The following KIF24 variants were observed in gnomAD, a reference collection of about 807,000 sequenced individuals.
KIF24 encodes the protein kinesin-like protein KIF24.
In KIF24, 81 loss-of-function variants were observed where a neutral mutation model predicts 118.9. The ratio of observed to expected loss-of-function variants is 0.68; its 90% CI spans 0.57 to 0.82. The LOEUF (loss-of-function observed/expected upper bound fraction) is 0.82. KIF24 is among the 40% of genes least tolerant of loss of function. The pLI, the probability that KIF24 is intolerant of heterozygous loss-of-function variation, is 0.00. For synonymous variants in KIF24, 599 were observed against 610.0 expected (o/e 0.98, Z 0.27); for missense variants, 1,560 against 1,661.6 (o/e 0.94, Z 1.06).
Position 34,311,158 on chromosome 9 carries a change from A to G in KIF24, c.189T>C (p.Ile63=). 6.2e-7 allele frequency: 1 copy of G among 1,613,522 alleles called. No homozygotes were observed. Among genetic ancestry groups the G allele is most frequent in the South Asian group, 1.1e-5 (1 of 91,034 alleles). Residue 63 remains isoleucine, a synonymous_variant, in exon 2 of 13, where the codon ATT becomes ATC. Coordinates refer to ENST00000402558, the MANE Select transcript of KIF24 (RefSeq NM_194313.4). ...TGACTGCTTTATCTTCTTCTTGCAT[A>G]ATCTTAATAATTTTGATAAGTTGGA... ...RLFQLIKIIK[I]MQEEDKAVSI...
intron 6 of KIF24, among the ~76,000 whole-genome samples, chr9:34,272,219 T>A (rs1203498833): frequency 1.3e-5 from 2 of 152,208 alleles, no homozygotes; most frequent in South Asian, 2.1e-4. Context: ...GGATTTAGCC[T>A]AACTAAAATC....
At chr9:34,316,845 G>C (rs1361506134) in intron 1 of KIF24, among the ~76,000 whole-genome samples, 3 of 152,172 alleles carry the variant, frequency 2.0e-5, no homozygotes, top group Non-Finnish European at 4.4e-5. Flanking sequence ...GCTGAGGCGA[G>C]TGGATCACAA....
At chr9:34,325,200 T>C (rs1209402369) in intron 1 of KIF24, among the ~76,000 whole-genome samples, 2 of 150,992 alleles carry the variant, frequency 1.3e-5, no homozygotes, top group Admixed American at 1.3e-4. Context: ...TAAAAATTAA[T>C]TGGGCATGGT....
intron 1 of KIF24, chr9:34,319,647 G>A (rs1304362399): frequency 1.4e-5 from 12 of 836,222 alleles, no homozygotes; most frequent in Non-Finnish European, 2.5e-5. Context: ...GATGCAAGAC[G>A]AGTTTTAGGG....
chr9:34,324,641 T>C (rs1450846930), intron 1 of KIF24, among the ~76,000 whole-genome samples: 2 of 152,198 alleles, frequency 1.3e-5, no homozygotes, highest in Non-Finnish European at 2.9e-5. Flanking sequence ...GCTGCTCCCT[T>C]ATTAAAAACC....
rs763341369 is a variant in KIF24, at chr9:34,263,116, T to C, written c.1500A>G (p.Gln500=). 4 of 1,613,102 alleles carry C rather than the reference T, an allele frequency of 2.5e-6. No individual in the cohort carries two copies. In the African/African-American group the frequency reaches 4.0e-5, roughly 16 times the overall value. Residue 500 remains glutamine, a synonymous_variant, in exon 9 of 13, where the codon CAA becomes CAG. Transcript: ENST00000402558. The part of the protein sequence containing the change: ...DQEHTHTPFR[Q]SKLTQVLKDS... ...TTAACTTTACCTGAGTTAGTTTGCTTTGCCTGAAGGGAGTATGGGTGTGTT... is the reference window on the plus strand; with the variant it reads ...TTAACTTTACCTGAGTTAGTTTGCTCTGCCTGAAGGGAGTATGGGTGTGTT...
chr9:34,285,257 T>C (rs1029767036), intron 6 of KIF24, among the ~76,000 whole-genome samples: 2 of 152,212 alleles, frequency 1.3e-5, no homozygotes, highest in African/African-American at 4.8e-5. Context: ...TTAGTTGCTC[T>C]GGAAAAGGAA....
intron 4 of KIF24, among the ~76,000 whole-genome samples, chr9:34,291,401 T>C (rs1455072435): frequency 6.6e-6 from 1 of 152,228 alleles, no homozygotes; most frequent in Non-Finnish European, 1.5e-5. Context: ...CATATGACCT[T>C]AGGCAAGTCC....
intron 1 of KIF24, among the ~76,000 whole-genome samples, chr9:34,328,408 T>A (rs1587982292): frequency 6.6e-6 from 1 of 152,214 alleles, no homozygotes; most frequent in East Asian, 1.9e-4. Flanking sequence ...ATAAAATTAT[T>A]GGGAGACCAA....
upstream of KIF24, among the ~76,000 whole-genome samples, chr9:34,333,279 G>A (rs925960127): frequency 6.6e-6 from 1 of 151,958 alleles, no homozygotes; most frequent in Non-Finnish European, 1.5e-5. Flanking sequence ...AACCTTTTTG[G>A]TGGAAATGAT....
intron 2 of KIF24, among the ~76,000 whole-genome samples, chr9:34,309,131 G>A (rs912417172): frequency 6.6e-6 from 1 of 151,902 alleles, no homozygotes; most frequent in Non-Finnish European, 1.5e-5. Context: ...TAAATGAAAT[G>A]GTAATGGTTA....
At chr9:34,319,300 C>A in intron 1 of KIF24, 1 of 992,828 alleles carries the variant, frequency 1.0e-6, no homozygotes, top group Non-Finnish European at 1.6e-6. Context: ...GAAGCAGAAG[C>A]CTGTCGCCAT....
chr9:34,254,593 C>G, intron 12 of KIF24, 73 bp from the exon 13 acceptor site: 1 of 1,494,986 alleles, frequency 6.7e-7, no homozygotes, highest in East Asian at 2.3e-5. Flanking sequence ...TTTTCAGTCC[C>G]TCCTCTGGCA....
rs746473751 is a variant in KIF24 at position 34,319,396 on chromosome 9, A to C, written c.-25-8025T>G. 1.2e-5 allele frequency: 11 copies of C among 917,968 alleles called. No homozygotes were observed. In the African/African-American group the frequency reaches 1.8e-4, roughly 15 times the overall value. 56.9% of individuals were successfully genotyped at this position (917,968 alleles called of 1,614,324 possible). A position where few individuals can be genotyped will look rare whatever the true frequency, so the allele number is the denominator to read the frequency against. ...GGCCTGACTGAGGCCATTGACAAGA[A>C]CAAGGCAAACTTGTCACGCATGCCA... is the stretch of plus-strand genomic sequence containing the variant. On this transcript the variant is annotated intron_variant, in intron 1 of 12. Coordinates refer to ENST00000402558, the MANE Select transcript of KIF24 (RefSeq NM_194313.4).
intron 6 of KIF24, among the ~76,000 whole-genome samples, chr9:34,277,659 C>G (rs192208175): frequency 6.6e-6 from 1 of 152,122 alleles, no homozygotes; most frequent in Non-Finnish European, 1.5e-5. Flanking sequence ...TTGAGATGCC[C>G]TTTCCTGGTT....
intron 12 of KIF24, 125 bp from the exon 13 acceptor site, chr9:34,254,645 A>C: frequency 1.0e-6 from 1 of 959,460 alleles, no homozygotes; most frequent in Non-Finnish European, 1.6e-6. Flanking sequence ...GCGGGAGAAC[A>C]TGTAGGATAG....
At chr9:34,275,760 A>C (rs1028031320) in intron 6 of KIF24, among the ~76,000 whole-genome samples, 1 of 152,060 alleles carries the variant, frequency 6.6e-6, no homozygotes, top group Non-Finnish European at 1.5e-5. Flanking sequence ...GAATAGCTTG[A>C]ACCCAGGAGG....
chr9:34,278,110 T>C (rs1274097049), intron 6 of KIF24, among the ~76,000 whole-genome samples: 39 of 151,580 alleles, frequency 2.6e-4, no homozygotes, highest in Non-Finnish European at 4.4e-5. Context: ...CCCATCTCTA[T>C]TAAAAATACA....
In KIF24 at chr9:34,268,336, G is replaced by C. The variant is rs369617349; in HGVS notation, c.1443+921C>G. 5.9e-5 allele frequency among the ~76,000 whole-genome samples: 9 copies of C among 151,490 alleles called. No homozygotes were observed. In the East Asian group the frequency reaches 9.7e-4, roughly 16 times the overall value. On this transcript the variant is annotated intron_variant, in intron 8 of 12. Transcript: ENST00000402558. The stretch of plus-strand genomic sequence containing the variant: ...CTGCCACCATGCCCAACTAATTTTT[G>C]GTTATTTTTAGTAGAGACAAGGTTT...
Sources: allele counts gnomAD v4.1 joint callset (sites outside exome capture counted in the v4.1 genomes callset), GRCh38; gene constraint gnomAD v4.1.1; transcripts MANE v1.5; gene names NCBI Gene and HGNC (gene_info 2026-07-23, HGNC 2026-07-21).